The following GRIP1 variants were observed in gnomAD, a reference collection of about 807,000 sequenced individuals.
The protein encoded by GRIP1 is glutamate receptor-interacting protein 1.
GRIP1 carries 45 observed loss-of-function variants against 129.9 expected under a neutral mutation model. That is an observed-to-expected ratio of 0.35 (90% confidence interval 0.27 to 0.44). The LOEUF (loss-of-function observed/expected upper bound fraction) is 0.44. GRIP1 is among the 20% of genes least tolerant of loss of function. GRIP1 has a pLI of 1.00. For synonymous variants in GRIP1, 530 were observed against 520.8 expected, an observed-to-expected ratio of 1.02 and a Z score of -0.24; for missense variants, 1,196 against 1,396.8, an observed-to-expected ratio of 0.86 and a Z score of 2.29.
chr12:66,599,556 A>G (rs2064190520), intron 1 of GRIP1, among the ~76,000 whole-genome samples: 1 of 152,336 alleles, frequency 6.6e-6, no homozygotes, highest in Admixed American at 6.5e-5. Flanking sequence ...TGATTTACTG[A>G]AAGTCAACTC....
intron 1 of GRIP1, among the ~76,000 whole-genome samples, chr12:66,618,721 A>G (rs1352950719): frequency 6.6e-6 from 1 of 152,150 alleles, no homozygotes; most frequent in Non-Finnish European, 1.5e-5. Context: ...TGAAATGTTT[A>G]TTTATCAATA....
At chr12:67,015,751 T>C (rs1323143741) in intron 1 of GRIP1, among the ~76,000 whole-genome samples, 1 of 152,172 alleles carries the variant, frequency 6.6e-6, no homozygotes, top group Non-Finnish European at 1.5e-5. Context: ...CAATTTCCCT[T>C]GAATTTCTAC....
chr12:66,746,148 GA>G (rs2036938036), intron 1 of GRIP1, among the ~76,000 whole-genome samples: 1 of 152,080 alleles, frequency 6.6e-6, no homozygotes, highest in Non-Finnish European at 1.5e-5. Context: ...AAAAGGGAAG[GA>G]AACATCAGAA....
At chr12:66,664,614 A>G (rs1259372502) in intron 1 of GRIP1, among the ~76,000 whole-genome samples, 1 of 152,184 alleles carries the variant, frequency 6.6e-6, no homozygotes, top group African/African-American at 2.4e-5. Flanking sequence ...TGTGTCTTTT[A>G]TATTATAATT....
intron 15 of GRIP1, among the ~76,000 whole-genome samples, chr12:66,408,411 G>A (rs1437072311): frequency 6.6e-6 from 1 of 152,154 alleles, no homozygotes; most frequent in Non-Finnish European, 1.5e-5. Context: ...CCTGGGAGGT[G>A]CAGGTTGCAG....
chr12:66,427,771 A>C lies in GRIP1; in HGVS notation c.1768+4777T>G, dbSNP rs376873053. On this transcript the variant is annotated intron_variant, in intron 14 of 24. Coordinates refer to ENST00000359742, the MANE Select transcript of GRIP1 (RefSeq NM_001366722.1). The stretch of plus-strand genomic sequence containing the variant: ...GAGACCTGGAGAGAGTCACGCCTAA[A>C]GGCCACACCTTAACATTCCTTTTTT... Among the ~76,000 whole-genome samples, 16 of 152,150 alleles carry C rather than the reference A, an allele frequency of 1.1e-4. No individual in the cohort carries two copies. In the East Asian group the frequency reaches 2.7e-3, roughly 26 times the overall value.
intron 1 of GRIP1, among the ~76,000 whole-genome samples, chr12:66,979,252 A>AAAAAAAAAAAAAAAAACAAC (rs772753895): frequency 1.8e-5 from 2 of 110,164 alleles, no homozygotes; most frequent in Admixed American, 1.2e-4. Flanking sequence ...AAAAAAAAAA[A>AAAAAAAAAAAAAAAAACAAC]AACAAGCCCG....
intron 1 of GRIP1, among the ~76,000 whole-genome samples, chr12:66,599,672 A>G (rs1276841978): frequency 6.6e-6 from 1 of 151,454 alleles, no homozygotes; most frequent in Non-Finnish European, 1.5e-5. Flanking sequence ...TCCAGGGTGC[A>G]TTTCAAACCC....
At chr12:66,898,965 G>C (rs767669394) in intron 1 of GRIP1, among the ~76,000 whole-genome samples, 1 of 152,142 alleles carries the variant, frequency 6.6e-6, no homozygotes, top group Non-Finnish European at 1.5e-5. Context: ...CATTATGACA[G>C]AGCATGCATG....
intron 1 of GRIP1, among the ~76,000 whole-genome samples, chr12:66,913,156 A>T (rs192847757): frequency 9.8e-5 from 15 of 152,322 alleles, no homozygotes; most frequent in African/African-American, 3.6e-4. Context: ...CAAGTGCTTG[A>T]AACTCCAAAA....
intron 1 of GRIP1, among the ~76,000 whole-genome samples, chr12:66,754,125 G>A (rs554829774): frequency 6.6e-6 from 1 of 152,246 alleles, no homozygotes; most frequent in Non-Finnish European, 1.5e-5. Context: ...CAACCTGCTG[G>A]TAAATAATTA....
intron 7 of GRIP1, among the ~76,000 whole-genome samples, chr12:66,469,526 C>T (rs1453625498): frequency 1.3e-5 from 2 of 152,100 alleles, no homozygotes; most frequent in African/African-American, 4.8e-5. Flanking sequence ...GGATGGCTTC[C>T]ACCTTCAAAG....
intron 7 of GRIP1, among the ~76,000 whole-genome samples, chr12:66,510,214 GA>G (rs1222235372): frequency 1.3e-5 from 2 of 152,062 alleles, no homozygotes; most frequent in Admixed American, 1.3e-4. Context: ...TTTTACACAG[GA>G]AAAATCTGGC....
chr12:66,944,092 G>T (rs553340306), intron 1 of GRIP1, among the ~76,000 whole-genome samples: 10 of 152,288 alleles, frequency 6.6e-5, no homozygotes, highest in African/African-American at 2.4e-4. Flanking sequence ...ACTTCAGTGG[G>T]TACAGGAACT....
intron 2 of GRIP1, among the ~76,000 whole-genome samples, chr12:66,575,239 T>C (rs189242205): frequency 1.1e-3 from 167 of 152,294 alleles, no homozygotes; most frequent in South Asian, 2.9e-3. Flanking sequence ...CTTTATCAGA[T>C]TAGGATGATT....
At chr12:66,915,927 T>A (rs559822842) in intron 1 of GRIP1, among the ~76,000 whole-genome samples, 1 of 152,284 alleles carries the variant, frequency 6.6e-6, no homozygotes, top group Admixed American at 6.5e-5. Flanking sequence ...AGAATATTCT[T>A]CTCACAGGAG....
intron 14 of GRIP1, among the ~76,000 whole-genome samples, chr12:66,426,165 G>A (rs549865675): frequency 2.0e-4 from 31 of 151,972 alleles, no homozygotes; most frequent in Non-Finnish European, 4.0e-4. Flanking sequence ...TCCATCCACA[G>A]GTATGGACCC....
chr12:66,604,988 AT>A (rs1189417934), intron 1 of GRIP1, among the ~76,000 whole-genome samples: 2 of 147,234 alleles, frequency 1.4e-5, no homozygotes, highest in African/African-American at 2.5e-5. Flanking sequence ...TCAATAATAC[AT>A]TTGGAGTAAT....
chr12:66,528,134 G>GTTTT (rs59443918), intron 5 of GRIP1, among the ~76,000 whole-genome samples: 2 of 99,244 alleles, frequency 2.0e-5, no homozygotes, highest in East Asian at 3.6e-4. Context: ...GAATTAGTAG[G>GTTTT]TTTTTTTTTT....
Sources: allele counts gnomAD v4.1 joint callset (sites outside exome capture counted in the v4.1 genomes callset), GRCh38; gene constraint gnomAD v4.1.1; transcripts MANE v1.5; gene names NCBI Gene and HGNC (gene_info 2026-07-23, HGNC 2026-07-21).